KRT8: variants seen among roughly 807,000 people sequenced by gnomAD.
The protein encoded by KRT8 is keratin, type II cytoskeletal 8.
In KRT8, 24 loss-of-function variants were observed where a neutral mutation model predicts 43.0. The ratio of observed to expected loss-of-function variants is 0.56; its 90% CI spans 0.40 to 0.78. The LOEUF (loss-of-function observed/expected upper bound fraction) is 0.78. Among genes scored for constraint, KRT8 ranks in the 30% least tolerant of loss-of-function variants. The pLI, the probability that KRT8 is intolerant of heterozygous loss-of-function variation, is 0.00. For synonymous variants in KRT8, 214 were observed against 261.2 expected, an observed-to-expected ratio of 0.82 and a Z score of 1.74; for missense variants, 492 against 638.4, an observed-to-expected ratio of 0.77 and a Z score of 2.47.
chr12:52,941,903 G>A (rs1468440279), intron 2 of KRT8, among the ~76,000 whole-genome samples: 1 of 152,122 alleles, frequency 6.6e-6, no homozygotes, highest in African/African-American at 2.4e-5. Flanking sequence ...CAACCTTGTG[G>A]CTTTTCTGTG....
Position 52,901,216 on chromosome 12 carries a change from A to C in KRT8, c.537T>G (p.Tyr179Ter), listed in dbSNP as rs1178925769. ...CTGTACGCTTATTGATCTCATCCTCATACCTGTGAGGAAAAGACTTACAAT... is the reference window on the plus strand; with the variant it reads ...CTGTACGCTTATTGATCTCATCCTCCTACCTGTGAGGAAAAGACTTACAAT... The change falls in exon 3 of 8, where the codon TAT becomes TAG. Residue 179 changes from tyrosine to a stop codon, truncating the protein, a stop_gained. Transcript: ENST00000692008. LOFTEE classifies it high-confidence loss of function. The C allele has an allele frequency of 6.2e-7, 1 of 1,610,052 alleles. No homozygotes were observed. The highest frequency in any genetic ancestry group is 2.2e-5 in the East Asian group (1 of 44,892).
At chr12:52,938,186 AT>A (rs1565733084) in intron 2 of KRT8, among the ~76,000 whole-genome samples, 1 of 61,976 alleles carries the variant, frequency 1.6e-5, no homozygotes, top group Non-Finnish European at 2.8e-5. Flanking sequence ...TTTTTTTTTT[AT>A]ATATAAGGTC....
At chr12:52,913,353 C>T (rs371621568) in intron 2 of KRT8, among the ~76,000 whole-genome samples, 127 of 152,280 alleles carry the variant, frequency 8.3e-4, no homozygotes, top group African/African-American at 2.9e-3. Context: ...TGGTATTCCC[C>T]GCTTCACCAC....
intron 2 of KRT8, among the ~76,000 whole-genome samples, chr12:52,917,431 A>G (rs1941762751): frequency 1.3e-5 from 2 of 148,512 alleles, no homozygotes; most frequent in South Asian, 4.3e-4. Flanking sequence ...GAAAAGACTG[A>G]GTGTGGTGGC....
chr12:52,938,181 TTTTTATA>T (rs1942209962), intron 2 of KRT8, among the ~76,000 whole-genome samples: 1 of 94,758 alleles, frequency 1.1e-5, no homozygotes, highest in African/African-American at 4.3e-5. Flanking sequence ...TTTTTTTTTT[TTTTTATA>T]TATAAGGTCT....
intron 2 of KRT8, among the ~76,000 whole-genome samples, chr12:52,924,519 G>A (rs945291506): frequency 1.3e-5 from 2 of 151,460 alleles, no homozygotes; most frequent in African/African-American, 4.9e-5. Flanking sequence ...AAATAAATTA[G>A]ATTGAGGCTG....
intron 2 of KRT8, among the ~76,000 whole-genome samples, chr12:52,915,507 A>G (rs555787954): frequency 6.6e-6 from 1 of 152,254 alleles, no homozygotes; most frequent in African/African-American, 2.4e-5. Flanking sequence ...CAGGAGGTCG[A>G]GACCAGCCTG....
chr12:52,907,284 C>T (rs1941541080), upstream of KRT8, among the ~76,000 whole-genome samples: 1 of 152,214 alleles, frequency 6.6e-6, no homozygotes, highest in East Asian at 1.9e-4. Context: ...AACAGAAGAC[C>T]AAAGGGAGAA....
At chr12:52,917,386 T>G (rs1045357594) in intron 2 of KRT8, among the ~76,000 whole-genome samples, 5 of 126,310 alleles carry the variant, frequency 4.0e-5, no homozygotes, top group East Asian at 2.4e-4. Context: ...TGGACAAGAG[T>G]GAAACTCCAT....
At chr12:52,925,509 G>A (rs374912650) in intron 2 of KRT8, among the ~76,000 whole-genome samples, 35 of 152,128 alleles carry the variant, frequency 2.3e-4, no homozygotes, top group Admixed American at 1.4e-3. Context: ...ATCCCCCTCC[G>A]TCATCCTGGC....
chr12:52,897,580 C>T lies in KRT8; in HGVS notation c.1300G>A (p.Gly434Ser), dbSNP rs58573614. 3.3e-3 allele frequency: 5,235 copies of T among 1,598,104 alleles called. 156 individuals are homozygous for T. The African/African-American group carries it at 0.06, about 18-fold the overall frequency. ...CTGGAGCCCAGGCTGTAGCTGAGGC[C>T]GGGGCTTGTGAGGCCCCCATAGGCC... Residue 434 changes from glycine to serine, a missense_variant, in exon 8 of 8, where the codon GGC (glycine) becomes AGC (serine). By Grantham distance (56) the Gly-to-Ser change is moderately conservative (BLOSUM62 0). Around this residue, in one of 3 missense-constraint regions of KRT8, gnomAD observed 389 missense variants for 485.7 expected, o/e 0.80. Coordinates refer to ENST00000692008, the Ensembl canonical transcript of KRT8.
chr12:52,944,077 A>G (rs1410163440), intron 2 of KRT8, among the ~76,000 whole-genome samples: 2 of 152,132 alleles, frequency 1.3e-5, no homozygotes, highest in African/African-American at 4.8e-5. Context: ...AGCAGACAGG[A>G]GGGGAGGTCA....
At chr12:52,931,068 A>G (rs886638411) in intron 2 of KRT8, among the ~76,000 whole-genome samples, 5 of 141,124 alleles carry the variant, frequency 3.5e-5, no homozygotes, top group African/African-American at 1.1e-4. Flanking sequence ...TCTCCCCCAG[A>G]TTCTTTTTTT....
chr12:52,903,858 G>GCCCCCCC (rs1941439411), intron 1 of KRT8, among the ~76,000 whole-genome samples: 6 of 59,440 alleles, frequency 1.0e-4, no homozygotes, highest in South Asian at 7.2e-4. Context: ...CCCCACCCCA[G>GCCCCCCC]CCCACCCCAC....
intron 2 of KRT8, among the ~76,000 whole-genome samples, chr12:52,918,208 G>GAAGAAGAAC (rs1941808759): frequency 8.2e-6 from 1 of 121,850 alleles, no homozygotes. Flanking sequence ...AGAAGAACAA[G>GAAGAAGAAC]AAGAAGAAGA....
At chr12:52,910,428 A>T (rs544787146), upstream of KRT8, among the ~76,000 whole-genome samples, 2 of 152,328 alleles carry the variant, frequency 1.3e-5, no homozygotes, top group African/African-American at 4.8e-5. Flanking sequence ...GTTCCTGCTT[A>T]GAAAGGGTGA....
intron 2 of KRT8, among the ~76,000 whole-genome samples, chr12:52,942,371 A>T (rs1398778858): frequency 6.6e-6 from 1 of 152,190 alleles, no homozygotes; most frequent in Admixed American, 6.5e-5. Context: ...TCAAACTGAG[A>T]TCTGTCCAAC....
chr12:52,933,021 G>A (rs1435421907), intron 2 of KRT8, among the ~76,000 whole-genome samples: 8 of 152,202 alleles, frequency 5.3e-5, no homozygotes, highest in Admixed American at 2.6e-4. Flanking sequence ...TCAGCTCACC[G>A]CAACCTCTGC....
chr12:52,949,226 C>A (rs147350452), intron 2 of KRT8: 1 of 1,611,516 alleles, frequency 6.2e-7, no homozygotes. Context: ...TCCCTGGGCT[C>A]TGTCCAGGCG....
Sources: gnomAD v4.1 joint callset for allele counts (sites outside exome capture counted in the v4.1 genomes callset) on GRCh38, gnomAD v4.1.1 for gene constraint, gnomAD v4.1.1 regional missense constraint, MANE v1.5 for transcripts, NCBI Gene and HGNC (gene_info 2026-07-23, HGNC 2026-07-21) for gene names.